Variants in TBC1D15 observed in about 807,000 individuals in gnomAD.
TBC1D15 encodes the protein TBC1 domain family member 15.
In TBC1D15, 39 loss-of-function variants were observed where a neutral mutation model predicts 95.4. The ratio of observed to expected loss-of-function variants is 0.41; its 90% CI spans 0.32 to 0.53. TBC1D15 has a LOEUF of 0.53. Ranked by LOEUF, TBC1D15 falls within the 20% of genes least tolerant of loss-of-function variation. TBC1D15 has a pLI of 0.29. For missense variants in TBC1D15, 733 were observed against 794.3 expected (o/e 0.92, Z 0.93); for synonymous variants, 258 against 261.3 (o/e 0.99, Z 0.12).
At chr12:71,851,062 A>T (rs755771779) in intron 1 of TBC1D15, among the ~76,000 whole-genome samples, 4 of 151,770 alleles carry the variant, frequency 2.6e-5, no homozygotes, top group African/African-American at 4.8e-5. Flanking sequence ...TAATTGGCTC[A>T]TAGTTTTACA....
chr12:71,871,260 G>T (rs529181005), intron 1 of TBC1D15, among the ~76,000 whole-genome samples: 1 of 152,136 alleles, frequency 6.6e-6, no homozygotes, highest in South Asian at 2.1e-4. Context: ...GGTCTTTTAT[G>T]TGCTTTTTAC....
chr12:71,908,856 A>C (rs1172955462), intron 11 of TBC1D15, among the ~76,000 whole-genome samples: 1 of 152,138 alleles, frequency 6.6e-6, no homozygotes, highest in East Asian at 1.9e-4. Flanking sequence ...CACACAAGTA[A>C]ATAATTGGTC....
chr12:71,855,095 A>G (rs1888725223), intron 1 of TBC1D15, among the ~76,000 whole-genome samples: 1 of 152,182 alleles, frequency 6.6e-6, no homozygotes, highest in Non-Finnish European at 1.5e-5. Flanking sequence ...GCGAAGGGGA[A>G]GCAGAAGCAA....
At chr12:71,848,873 C>T (rs1022369382) in intron 1 of TBC1D15, among the ~76,000 whole-genome samples, 1 of 152,068 alleles carries the variant, frequency 6.6e-6, no homozygotes, top group African/African-American at 2.4e-5. Flanking sequence ...TTCATTCAGC[C>T]TGAAATTATA....
chr12:71,885,322 T>TA (rs1414996213), intron 5 of TBC1D15, among the ~76,000 whole-genome samples: 1 of 152,246 alleles, frequency 6.6e-6, no homozygotes, highest in East Asian at 1.9e-4. Flanking sequence ...TGTGTTTACC[T>TA]AATTTACCCT....
chr12:71,923,351 CA>C lies in TBC1D15; in HGVS notation c.*150del. On this transcript the variant is annotated 3_prime_UTR_variant, in exon 17 of 17. Coordinates refer to ENST00000485960, the MANE Select transcript of TBC1D15 (RefSeq NM_001146213.3). ...CTGATGTTCTTACATTAAAGCTTTA[CA>C]AAGATTTAAACTAATTATTTTTGTA... 1 of 679,404 alleles carries C rather than the reference CA, an allele frequency of 1.5e-6. No individual in the cohort carries two copies. The highest frequency in any genetic ancestry group is 2.4e-6 in the Non-Finnish European group (1 of 415,986). The allele number at this position is 679,404 out of a possible 1,614,324, so 42.1% of individuals were successfully genotyped here. A position where few individuals can be genotyped will look rare whatever the true frequency, so the allele number is the denominator to read the frequency against.
chr12:71,849,847 TG>T, intron 1 of TBC1D15: 1 of 565,708 alleles, frequency 1.8e-6, no homozygotes, highest in Admixed American at 2.1e-5. Flanking sequence ...TGTAGTAAAA[TG>T]TGGAGTTTGC....
intron 16 of TBC1D15, 127 bp from the exon 17 acceptor site, chr12:71,922,856 G>A: frequency 1.1e-6 from 1 of 877,242 alleles, no homozygotes; most frequent in Non-Finnish European, 1.8e-6. Flanking sequence ...AAGGGTACAT[G>A]ACATTTACAC....
chr12:71,841,843 G>C (rs540724652), intron 1 of TBC1D15, among the ~76,000 whole-genome samples: 40 of 151,874 alleles, frequency 2.6e-4, no homozygotes, highest in South Asian at 2.3e-3. Context: ...CTTTTTTATC[G>C]TCAGCATAAT....
At chr12:71,847,693 G>A (rs1239529574) in intron 1 of TBC1D15, among the ~76,000 whole-genome samples, 3 of 148,340 alleles carry the variant, frequency 2.0e-5, no homozygotes, top group East Asian at 2.0e-4. Flanking sequence ...AGACTGTCTC[G>A]AAAAAAAAAC....
intron 12 of TBC1D15, among the ~76,000 whole-genome samples, chr12:71,915,448 T>TAAA (rs1236554792): frequency 0.19 from 24,388 of 130,110 alleles, 2,356 homozygotes; most frequent in African/African-American, 0.24. Context: ...GTAGATATTC[T>TAAA]AAAAAAAAAA....
At chr12:71,870,365 T>C (rs1406718177) in intron 1 of TBC1D15, among the ~76,000 whole-genome samples, 3 of 152,342 alleles carry the variant, frequency 2.0e-5, no homozygotes, top group Middle Eastern at 3.4e-3. Context: ...ACAAACAGTA[T>C]AGAATTATCT....
intron 1 of TBC1D15, among the ~76,000 whole-genome samples, chr12:71,848,733 A>G (rs12425442): frequency 0.058 from 8,785 of 152,216 alleles, 608 homozygotes; most frequent in East Asian, 0.32. Context: ...AAACTTTCAG[A>G]GTTTGTTTTA....
chr12:71,854,399 C>G (rs1888540378), intron 1 of TBC1D15, among the ~76,000 whole-genome samples: 1 of 152,132 alleles, frequency 6.6e-6, no homozygotes, highest in African/African-American at 2.4e-5. Flanking sequence ...CCTATCTCTT[C>G]TGTACATCTT....
intron 1 of TBC1D15, 114 bp downstream of exon 1, chr12:71,839,925 G>C: frequency 7.4e-7 from 1 of 1,353,930 alleles, no homozygotes; most frequent in Non-Finnish European, 1.0e-6. Context: ...CGGACAACCC[G>C]TGGCGTCTGT....
intron 1 of TBC1D15, among the ~76,000 whole-genome samples, chr12:71,863,836 G>A (rs1483440416): frequency 6.6e-6 from 1 of 151,480 alleles, no homozygotes; most frequent in East Asian, 1.9e-4. Flanking sequence ...TTTTATCATT[G>A]AATTCCTCAG....
chr12:71,918,416 A>T, intron 13 of TBC1D15, 35 bp from the exon 14 acceptor site: 1 of 1,319,288 alleles, frequency 7.6e-7, no homozygotes, highest in South Asian at 1.3e-5. Flanking sequence ...TTAGCATAAG[A>T]GTAAGTCATA....
chr12:71,850,214 A>G (rs1276868642), intron 1 of TBC1D15: 22 of 569,988 alleles, frequency 3.9e-5, no homozygotes, highest in South Asian at 3.2e-4. Context: ...TGAAGACCTA[A>G]CTCTTGGTAT....
At chr12:71,885,397 G>T (rs1477940479) in intron 5 of TBC1D15, among the ~76,000 whole-genome samples, 1 of 152,134 alleles carries the variant, frequency 6.6e-6, no homozygotes, top group African/African-American at 2.4e-5. Flanking sequence ...AGTCAGGCAA[G>T]TCCTAAGTCC....
Sources: gnomAD v4.1 joint callset for allele counts (sites outside exome capture counted in the v4.1 genomes callset) on GRCh38, gnomAD v4.1.1 for gene constraint, MANE v1.5 for transcripts, NCBI Gene and HGNC (gene_info 2026-07-23, HGNC 2026-07-21) for gene names.